Variants in SNED1 observed in about 807,000 individuals in gnomAD.
SNED1 encodes the protein sushi, nidogen and EGF-like domain-containing protein 1.
SNED1 carries 81 observed loss-of-function variants against 166.7 expected under a neutral mutation model. The observed-to-expected ratio is 0.49, with a 90% CI of 0.41 to 0.58. The LOEUF (loss-of-function observed/expected upper bound fraction) is 0.58, where lower values mean the gene tolerates loss of function less well. Among genes scored for constraint, SNED1 ranks in the 20% least tolerant of loss-of-function variants. SNED1 has a pLI of 0.00. For missense variants in SNED1, 1,604 were observed against 2,000.2 expected (o/e 0.80, Z 3.78); for synonymous variants, 762 against 822.0 (o/e 0.93, Z 1.25).
At chr2:241,061,180 A>G (rs1407434815) in intron 16 of SNED1, among the ~76,000 whole-genome samples, 1 of 152,198 alleles carries the variant, frequency 6.6e-6, no homozygotes, top group African/African-American at 2.4e-5. Context: ...AATCAATGAG[A>G]AAACAACCTA....
intron 8 of SNED1, 50 bp downstream of exon 8, chr2:241,040,463 C>A: frequency 8.5e-7 from 1 of 1,171,296 alleles, no homozygotes; most frequent in African/African-American, 1.5e-5. Flanking sequence ...TGGCTTTGTG[C>A]CGTGAACACC....
At chr2:241,086,196 A>G (rs2125325679) in intron 29 of SNED1, among the ~76,000 whole-genome samples, 1 of 152,210 alleles carries the variant, frequency 6.6e-6, no homozygotes, top group East Asian at 1.9e-4. Context: ...ATGGCCTAAT[A>G]AACAAGATCT....
intron 2 of SNED1, among the ~76,000 whole-genome samples, chr2:241,032,237 C>CTACTCGGG (rs538014814): frequency 1.4e-3 from 214 of 152,144 alleles, no homozygotes; most frequent in African/African-American, 4.7e-3. Context: ...GTAATCCCAG[C>CTACTCGGG]TACTCGGGAG....
intron 27 of SNED1, among the ~76,000 whole-genome samples, chr2:241,080,011 G>A (rs1322174525): frequency 2.0e-5 from 3 of 152,122 alleles, no homozygotes; most frequent in Admixed American, 1.3e-4. Context: ...TTGGCTGGGC[G>A]CAGTGGCTCA....
In SNED1 at chr2:241,073,341, A is replaced by C. The variant is rs2062835602; in HGVS notation, c.3893A>C (p.Glu1298Ala). Reference protein sequence around the residue: ...KRVSLALQLPEHGSKDIGNVP... With the variant: ...KRVSLALQLPAHGSKDIGNVP... Reference sequence around the variant, plus strand: ...GTCAGCCTGGCCCTCCAGCTCCCTGAACACGGCAGCAAGGACATCGGAAGT... The same window carrying C: ...GTCAGCCTGGCCCTCCAGCTCCCTGCACACGGCAGCAAGGACATCGGAAGT... Residue 1298 changes from glutamate to alanine, a missense_variant, in exon 27 of 32, where the codon GAA becomes GCA. By Grantham distance (107) the Glu-to-Ala change is moderately radical (BLOSUM62 -1). Coordinates refer to ENST00000310397, the MANE Select transcript of SNED1 (RefSeq NM_001080437.3). This position sits in a 1 kb window ranked among gnomAD's most constrained non-coding sequence, Gnocchi z 6.6. 6.4e-7 allele frequency: 1 copy of C among 1,573,390 alleles called. No homozygotes were observed. The highest frequency in any genetic ancestry group is 1.2e-5 in the South Asian group (1 of 85,332).
At chr2:241,000,473 C>T (rs1192790899) in intron 1 of SNED1, among the ~76,000 whole-genome samples, 2 of 152,208 alleles carry the variant, frequency 1.3e-5, no homozygotes, top group Admixed American at 6.5e-5. Context: ...TGGTGCTCAG[C>T]GTTGGCCCGA....
rs1395584063 is a variant in SNED1, at chr2:241,063,650, C to A, written c.2435C>A (p.Ala812Asp). The change falls in exon 18 of 32, where the codon GCC (alanine) becomes GAC (aspartate). Residue 812 changes from alanine to aspartate, a missense_variant. Transcript: ENST00000310397. Reference sequence around the variant, plus strand: ...GGGTCCTGCAGGAACCTCCCAGGGGCCTATGTCTGCCGGTGCCCTGCAGGC... The same window carrying A: ...GGGTCCTGCAGGAACCTCCCAGGGGACTATGTCTGCCGGTGCCCTGCAGGC... ...NGGSCRNLPGAYVCRCPAGFV... is the reference protein window; with the variant it reads ...NGGSCRNLPGDYVCRCPAGFV... The A allele has an allele frequency of 6.2e-7, 1 of 1,612,482 alleles. No homozygotes were observed.
chr2:241,049,971 C>T lies in SNED1; in HGVS notation c.1735+38C>T, dbSNP rs756203630. 1.9e-5 allele frequency: 29 copies of T among 1,496,434 alleles called. No homozygotes were observed. The Admixed American group carries it at 3.3e-4, about 17-fold the overall frequency. The allele number at this position is 1,496,434 out of a possible 1,614,324, so 92.7% of individuals were successfully genotyped here. A position where few individuals can be genotyped will look rare whatever the true frequency, so the allele number is the denominator to read the frequency against. ...GGGGCGTCCGGGCCGGCGTCAGCACCCTGGAGAGCGCCCGCGGTCCGCCGT... is the reference window on the plus strand; with the variant it reads ...GGGGCGTCCGGGCCGGCGTCAGCACTCTGGAGAGCGCCCGCGGTCCGCCGT... On this transcript the variant is annotated intron_variant, in intron 12 of 31. Coordinates refer to ENST00000310397, the MANE Select transcript of SNED1 (RefSeq NM_001080437.3).
At position 241,069,106 on chromosome 2, in the gene SNED1, T is replaced by C; in HGVS notation, c.3307+83T>C. 5 of 902,284 alleles carry C rather than the reference T, an allele frequency of 5.5e-6. No homozygotes were observed. The highest frequency in any genetic ancestry group is 8.3e-6 in the Non-Finnish European group (5 of 601,510). 55.9% of individuals were successfully genotyped at this position (902,284 alleles called of 1,614,324 possible). A position where few individuals can be genotyped will look rare whatever the true frequency, so the allele number is the denominator to read the frequency against. Reference sequence around the variant, plus strand: ...TTCCTTCCAGCCTCCCCTAGTCCTCTCCAAAGCGTCCACAACACCAGAAAC... The same window carrying C: ...TTCCTTCCAGCCTCCCCTAGTCCTCCCCAAAGCGTCCACAACACCAGAAAC... On this transcript the variant is annotated intron_variant, in intron 23 of 31. Coordinates refer to ENST00000310397, the MANE Select transcript of SNED1 (RefSeq NM_001080437.3). This position sits in a 1 kb window ranked among gnomAD's most constrained non-coding sequence, Gnocchi z 4.9.
At chr2:241,048,570 G>A in intron 9 of SNED1, 92 bp from the exon 10 acceptor site, 1 of 1,497,710 alleles carries the variant, frequency 6.7e-7, no homozygotes, top group East Asian at 2.5e-5. Flanking sequence ...CAATTTGTAT[G>A]GGAAGTTGGC....
Position 241,092,653 on chromosome 2 carries a change from T to C in SNED1, c.*1017T>C, listed in dbSNP as rs1438024554. 3 of 152,236 alleles carry C rather than the reference T, an allele frequency of 2.0e-5. No homozygotes were observed. Among genetic ancestry groups the C allele is most frequent in the Non-Finnish European group, 4.4e-5 (3 of 68,062 alleles). 9.4% of individuals were successfully genotyped at this position (152,236 alleles called of 1,614,324 possible). ...AGCAAGGACGCCTTACAAGTCTCAG[T>C]GCAACAGAGATGGACACCTGGGCTG... On this transcript the variant is annotated 3_prime_UTR_variant, in exon 32 of 32. Transcript: ENST00000310397. The surrounding 1 kb of genome is among the most constrained non-coding windows in gnomAD (Gnocchi z 4.6).
chr2:241,052,417 G>A lies in SNED1; in HGVS notation c.2032G>A (p.Asp678Asn), dbSNP rs2061871521. 2 of 1,607,090 alleles carry A rather than the reference G, an allele frequency of 1.2e-6. No homozygotes were observed. Among genetic ancestry groups the A allele is most frequent in the Non-Finnish European group, 1.7e-6 (2 of 1,176,574 alleles). The change falls in exon 15 of 32, where the codon GAT becomes AAT. Residue 678 changes from aspartate to asparagine, a missense_variant. This residue lies in a region of SNED1 where 1,237 missense variants were observed against 1,620.8 expected (regional missense o/e 0.76). Transcript: ENST00000310397. ...NGGTCEDRDT[D>N]FFCHCQAGYM... ...GGGCACCTGCGAGGACCGGGACACG[G>A]ATTTCTTCTGCCACTGCCAAGCAGG... is the stretch of plus-strand genomic sequence containing the variant.
intron 8 of SNED1, among the ~76,000 whole-genome samples, chr2:241,045,095 C>G (rs1030248091): frequency 9.9e-5 from 15 of 152,134 alleles, no homozygotes; most frequent in African/African-American, 3.6e-4. Flanking sequence ...TAGTATAAAT[C>G]TACTAAAACA....
At chr2:241,080,302 C>A (rs2063271062) in intron 27 of SNED1, among the ~76,000 whole-genome samples, 1 of 151,952 alleles carries the variant, frequency 6.6e-6, no homozygotes, top group Admixed American at 6.6e-5. Context: ...TAAATAAAAT[C>A]TTGTTTGTCT....
At position 241,063,720 on chromosome 2, in the gene SNED1, G is replaced by GAGGGA; in HGVS notation, c.2485+20_2485+21insAGGGA. ...AGACAGGTAGGGGCTCCCTCCAGTG[G>GAGGGA]GCCCCACATGCAGAGCCTGGGCCTC... On this transcript the variant is annotated intron_variant, in intron 18 of 31. Coordinates refer to ENST00000310397, the MANE Select transcript of SNED1 (RefSeq NM_001080437.3). 4 of 1,481,030 alleles carry GAGGGA rather than the reference G, an allele frequency of 2.7e-6. No individual in the cohort carries two copies. The highest frequency in any genetic ancestry group is 3.7e-6 in the Non-Finnish European group (4 of 1,068,768). The allele number at this position is 1,481,030 out of a possible 1,614,324, so 91.7% of individuals were successfully genotyped here. A position where few individuals can be genotyped will look rare whatever the true frequency, so the allele number is the denominator to read the frequency against.
In SNED1 at chr2:241,089,417, A is replaced by C. The variant is rs1211201405; in HGVS notation, c.*1+1015A>C. 3 of 1,550,040 alleles carry C rather than the reference A, an allele frequency of 1.9e-6. No individual in the cohort carries two copies. In the Admixed American group the frequency reaches 5.9e-5, roughly 30 times the overall value. On this transcript the variant is annotated intron_variant, in intron 31 of 31. Transcript: ENST00000310397. ...TCAGGAACCTTTAAAAACAAACAGA[A>C]GCAAAACAGCTTTTCAGATATAGGC...
chr2:240,999,237 C>T lies in SNED1; in HGVS notation c.213+187C>T, dbSNP rs1429360042. ...GACAGCGGCCCGCGGGAGAGGCGCGCGGGCGGGGCGGGGGCGGCAGCCGCC... is the reference window on the plus strand; with the variant it reads ...GACAGCGGCCCGCGGGAGAGGCGCGTGGGCGGGGCGGGGGCGGCAGCCGCC... On this transcript the variant is annotated intron_variant, in intron 1 of 31. Coordinates refer to ENST00000310397, the MANE Select transcript of SNED1 (RefSeq NM_001080437.3). This position sits in a 1 kb window ranked among gnomAD's most constrained non-coding sequence, Gnocchi z 5.8. Among the ~76,000 whole-genome samples the T allele has an allele frequency of 6.7e-6, 1 of 149,906 alleles. No homozygotes were observed. Among genetic ancestry groups the T allele is most frequent in the Non-Finnish European group, 1.5e-5 (1 of 67,220 alleles).
intron 4 of SNED1, among the ~76,000 whole-genome samples, chr2:241,036,009 AGTG>A (rs1224427206): frequency 9.1e-5 from 1 of 11,002 alleles, no homozygotes; most frequent in Non-Finnish European, 1.4e-4. Context: ...CGGGGAGGGG[AGTG>A]GGGGGTGGAG....
intron 28 of SNED1, 27 bp from the exon 29 acceptor site, chr2:241,082,250 G>A (rs1221277712): frequency 8.2e-6 from 13 of 1,577,388 alleles, no homozygotes; most frequent in Non-Finnish European, 1.1e-5. Context: ...GGAGCACCTG[G>A]TGAGCCACTG....
Sources: gnomAD v4.1 joint callset for allele counts (sites outside exome capture counted in the v4.1 genomes callset) on GRCh38, gnomAD v4.1.1 for gene constraint, gnomAD v4.1.1 regional missense constraint, Gnocchi (gnomAD v3.1) non-coding constraint, MANE v1.5 for transcripts, NCBI Gene and HGNC (gene_info 2026-07-23, HGNC 2026-07-21) for gene names.